The following ZNF552 variants were observed in gnomAD, a reference collection of about 807,000 sequenced individuals.
The protein encoded by ZNF552 is zinc finger protein 552.
In ZNF552, 2 loss-of-function variants were observed where a neutral mutation model predicts 7.2. The observed-to-expected ratio is 0.28, with a 90% confidence interval of 0.11 to 0.88. ZNF552 has a LOEUF of 0.88. Ranked by LOEUF, ZNF552 falls within the 40% of genes least tolerant of loss-of-function variation. The pLI, the probability that ZNF552 is intolerant of heterozygous loss-of-function variation, is 0.60. For missense variants in ZNF552, 421 were observed against 493.4 expected, an observed-to-expected ratio of 0.85 and a Z score of 1.39; for synonymous variants, 173 against 176.5, an observed-to-expected ratio of 0.98 and a Z score of 0.16.
chr19:57,810,316 A>T (rs1187033092), intron 2 of ZNF552, among the ~76,000 whole-genome samples: 1 of 152,136 alleles, frequency 6.6e-6, no homozygotes, highest in Non-Finnish European at 1.5e-5. Flanking sequence ...CTAAAAATAC[A>T]AAATATTAGC....
At position 57,808,068 on chromosome 19, in the gene ZNF552, T is replaced by C. The variant is rs1423107926; in HGVS notation, c.1196A>G (p.Gln399Arg). ...FRQISSLRHH[Q>R]RVHKRKGL is the part of the protein sequence containing the mutation. ...TAAGCCCTTTCTTTTGTGAACTCTC[T>C]GATGATGACGAAGTGAAGAGATTTG... Residue 399 changes from glutamine (Q) to arginine (R), a missense_variant, in exon 3 of 3, where the codon CAG becomes CGG. Physicochemically the swap from Gln to Arg is conservative, Grantham distance 43. Around this residue, in one of 2 missense-constraint regions of ZNF552, gnomAD observed 299 missense variants for 293.7 expected, o/e 1.02. Coordinates refer to ENST00000391701, the MANE Select transcript of ZNF552 (RefSeq NM_024762.3). The C allele has an allele frequency of 1.2e-6, 2 of 1,613,404 alleles. No individual in the cohort carries two copies. The highest frequency in any genetic ancestry group is 2.7e-5 in the African/African-American group (2 of 74,954).
At chr19:57,813,062 T>G in intron 2 of ZNF552, 1 of 589,224 alleles carries the variant, frequency 1.7e-6, no homozygotes, top group Non-Finnish European at 2.8e-6. Context: ...GTAGCCTGCA[T>G]TAAGTTGCCT....
At chr19:57,814,527 C>G (rs547850766) in intron 1 of ZNF552, 184 bp downstream of exon 1, 16 of 1,538,204 alleles carry the variant, frequency 1.0e-5, no homozygotes, top group Non-Finnish European at 1.3e-5. Context: ...GCGCCCCTCC[C>G]TGTACCTGTC....
chr19:57,812,028 C>A (rs1270107547), intron 2 of ZNF552, among the ~76,000 whole-genome samples: 848 of 63,088 alleles, frequency 0.013, no homozygotes, highest in South Asian at 0.026. Flanking sequence ...GACTCTGTCT[C>A]AAAAAAAAAA....
At chr19:57,810,004 G>A (rs1202255226) in intron 2 of ZNF552, among the ~76,000 whole-genome samples, 1 of 152,110 alleles carries the variant, frequency 6.6e-6, no homozygotes, top group Non-Finnish European at 1.5e-5. Flanking sequence ...CTACTCAGGA[G>A]ACTGAGGCTG....
chr19:57,811,268 G>A (rs1452830231), intron 2 of ZNF552, among the ~76,000 whole-genome samples: 1 of 152,082 alleles, frequency 6.6e-6, no homozygotes, highest in East Asian at 1.9e-4. Flanking sequence ...CGCCTGCCGG[G>A]TTCACGCCAT....
At position 57,807,975 on chromosome 19, in the gene ZNF552, T is replaced by C. The variant is rs1987773294; in HGVS notation, c.*65A>G. On this transcript the variant is annotated 3_prime_UTR_variant, in exon 3 of 3. Transcript: ENST00000391701. The stretch of plus-strand genomic sequence containing the variant: ...TTGGGTAAACATTTTCCACATTTGC[T>C]GCAATCACAGGATCTTACTCAGGTG... 1 of 1,506,278 alleles carries C rather than the reference T, an allele frequency of 6.6e-7. No homozygotes were observed. Among genetic ancestry groups the C allele is most frequent in the African/African-American group, 1.4e-5 (1 of 71,592 alleles). The allele number at this position is 1,506,278 out of a possible 1,614,324, so 93.3% of individuals were successfully genotyped here. A position where few individuals can be genotyped will look rare whatever the true frequency, so the allele number is the denominator to read the frequency against.
Position 57,808,484 on chromosome 19 carries a change from T to C in ZNF552, c.780A>G (p.Gly260=). The C allele has an allele frequency of 6.2e-7, 1 of 1,613,864 alleles. No homozygotes were observed. The highest frequency in any genetic ancestry group is 8.5e-7 in the Non-Finnish European group (1 of 1,179,846). The change falls in exon 3 of 3, where the codon GGA becomes GGG. Residue 260 remains glycine, a synonymous_variant. Coordinates refer to ENST00000391701, the MANE Select transcript of ZNF552 (RefSeq NM_024762.3). ...SKYDSFSNHQ[G]VHTREKPYTC... is the part of the protein sequence containing the mutation. ...TATAAGGTTTTTCTCTAGTGTGAAC[T>C]CCTTGATGATTACTGAAGCTGTCAT...
chr19:57,814,528 T>C (rs1004918120), intron 1 of ZNF552, 183 bp downstream of exon 1: 11 of 1,538,234 alleles, frequency 7.2e-6, no homozygotes, highest in Middle Eastern at 1.7e-4. Flanking sequence ...CGCCCCTCCC[T>C]GTACCTGTCG....
chr19:57,813,224 T>C, intron 2 of ZNF552, 70 bp downstream of exon 2: 1 of 1,599,658 alleles, frequency 6.3e-7, no homozygotes, highest in Non-Finnish European at 8.5e-7. Flanking sequence ...TGAGAAAGTC[T>C]TGCCAATAGA....
At chr19:57,810,467 C>T (rs1347771915) in intron 2 of ZNF552, among the ~76,000 whole-genome samples, 1 of 152,184 alleles carries the variant, frequency 6.6e-6, no homozygotes, top group African/African-American at 2.4e-5. Flanking sequence ...ACTCCCAACC[C>T]TGTGCTCCAG....
Position 57,809,007 on chromosome 19 carries a change from G to A in ZNF552, c.257C>T (p.Ser86Phe). The change falls in exon 3 of 3, where the codon TCT becomes TTT. Residue 86 changes from serine (S) to phenylalanine (F), a missense_variant. This residue lies in a region of ZNF552 where 122 missense variants were observed against 199.7 expected (regional missense o/e 0.61). Coordinates refer to ENST00000391701, the MANE Select transcript of ZNF552 (RefSeq NM_024762.3). ...CTCACAGGGGTGGGCCTTCTTGGGA[G>A]ACACACCTGCCATAGGAGTCCTGAC... ...TQVRTPMAGV[S>F]PKKAHPCEMC... 1 of 1,569,392 alleles carries A rather than the reference G, an allele frequency of 6.4e-7. No individual in the cohort carries two copies. The highest frequency in any genetic ancestry group is 8.7e-7 in the Non-Finnish European group (1 of 1,156,058).
intron 2 of ZNF552, among the ~76,000 whole-genome samples, chr19:57,811,730 A>AC (rs1555770238): frequency 6.7e-6 from 1 of 150,198 alleles, no homozygotes. Context: ...AAAAAAAAAA[A>AC]AAAAAAAACA....
In ZNF552 at chr19:57,814,489, G is replaced by A. The variant is rs908101096; in HGVS notation, c.33+222C>T. ...TGTGGACCCCAGGTTCCATCCTCCC[G>A]GATCCGTCCATCTCCAGGCCATTGC... On this transcript the variant is annotated intron_variant, in intron 1 of 2. Transcript: ENST00000391701. 6 of 1,534,140 alleles carry A rather than the reference G, an allele frequency of 3.9e-6. No individual in the cohort carries two copies. In the African/African-American group the frequency reaches 5.5e-5, roughly 14 times the overall value.
chr19:57,811,715 C>CAAAAAAAAAA (rs1162967437), intron 2 of ZNF552, among the ~76,000 whole-genome samples: 1 of 49,702 alleles, frequency 2.0e-5, no homozygotes, highest in Non-Finnish European at 3.4e-5. Flanking sequence ...AACTCCATCT[C>CAAAAAAAAAA]AAAAAAAAAA....
At position 57,808,768 on chromosome 19, in the gene ZNF552, C is replaced by T; in HGVS notation, c.496G>A (p.Gly166Arg). 1 of 1,614,190 alleles carries T rather than the reference C, an allele frequency of 6.2e-7. No homozygotes were observed. Among genetic ancestry groups the T allele is most frequent in the Non-Finnish European group, 8.5e-7 (1 of 1,180,052 alleles). ...FAKRCKLHVS[G>R]ESSVFSESGK... ...CTCTCACTGAAGACAGATGACTCCC[C>T]TGACACATGCAACTTACACCTCTTC... is the stretch of plus-strand genomic sequence containing the variant. The change falls in exon 3 of 3, where the codon GGG becomes AGG. Residue 166 changes from glycine to arginine, a missense_variant. This residue lies in a region of ZNF552 where 299 missense variants were observed against 293.7 expected (regional missense o/e 1.02). Transcript: ENST00000391701.
intron 2 of ZNF552, among the ~76,000 whole-genome samples, chr19:57,810,185 A>G (rs1987827406): frequency 6.6e-6 from 1 of 151,164 alleles, no homozygotes; most frequent in Non-Finnish European, 1.5e-5. Context: ...GAGAGAAGAA[A>G]AGGGCCAGGT....
intron 2 of ZNF552, among the ~76,000 whole-genome samples, chr19:57,809,501 C>T (rs997837631): frequency 1.3e-5 from 2 of 152,032 alleles, no homozygotes; most frequent in African/African-American, 4.8e-5. Context: ...TACACATTTG[C>T]TAACACAAAA....
chr19:57,809,271 A>G (rs1316985627), intron 2 of ZNF552, 168 bp from the exon 3 acceptor site: 3 of 1,484,926 alleles, frequency 2.0e-6, no homozygotes, highest in Non-Finnish European at 2.7e-6. Context: ...CTGGACTATA[A>G]TGGTCACAGA....
Sources: allele counts gnomAD v4.1 joint callset (sites outside exome capture counted in the v4.1 genomes callset), GRCh38; gene constraint gnomAD v4.1.1; regional missense constraint gnomAD v4.1.1; transcripts MANE v1.5; gene names NCBI Gene and HGNC (gene_info 2026-07-23, HGNC 2026-07-21).